Variants in YLPM1 observed in about 807,000 individuals in gnomAD.
YLPM1 encodes YLP motif containing 1, also known as YLP motif-containing protein 1.
YLPM1 carries 99 observed loss-of-function variants against 230.0 expected under a neutral mutation model. That is an observed-to-expected ratio of 0.43 (90% CI 0.37 to 0.51). YLPM1 has a LOEUF of 0.51. Among genes scored for constraint, YLPM1 ranks in the 20% least tolerant of loss-of-function variants. The pLI, the probability that YLPM1 is intolerant of heterozygous loss-of-function variation, is 0.00. For synonymous variants in YLPM1, 984 were observed against 942.5 expected (o/e 1.04, Z -0.81); for missense variants, 2,592 against 2,707.7 (o/e 0.96, Z 0.95).
rs752447181 is a variant in YLPM1, at chr14:74,816,661, C to T, written c.5656C>T (p.Pro1886Ser). Residue 1886 changes from proline (P) to serine (S), a missense_variant, in exon 13 of 21, where the codon CCA (proline) becomes TCA (serine). This residue lies in a region of YLPM1 where 315 missense variants were observed against 429.3 expected (regional missense o/e 0.73). Coordinates refer to ENST00000325680, the MANE Select transcript of YLPM1 (RefSeq NM_019589.3). ...TGAAGTGGAAAAAGAAGAAAAAGATCCAGATTCTGGAAAGAAAGTGAAAAA... is the reference window on the plus strand; with the variant it reads ...TGAAGTGGAAAAAGAAGAAAAAGATTCAGATTCTGGAAAGAAAGTGAAAAA... ...ITEVEKEEKD[P>S]DSGKKVKKKV... 6.2e-7 allele frequency: 1 copy of T among 1,613,212 alleles called. No individual in the cohort carries two copies.
rs537533201 is a variant in YLPM1, at chr14:74,810,679, A to G, written c.5228+259A>G. Among the ~76,000 whole-genome samples, 507 of 152,030 alleles carry G rather than the reference A, an allele frequency of 3.3e-3. 4 individuals carry two copies. The highest frequency in any genetic ancestry group is 0.024 in the Middle Eastern group (7 of 294). Reference sequence around the variant, plus strand: ...TGTCAATAAAGGTGCAGTCATACTCAGTAGGCAAGCAATTTATTTTTGCAA... The same window carrying G: ...TGTCAATAAAGGTGCAGTCATACTCGGTAGGCAAGCAATTTATTTTTGCAA... On this transcript the variant is annotated intron_variant, in intron 9 of 20. Coordinates refer to ENST00000325680, the MANE Select transcript of YLPM1 (RefSeq NM_019589.3).
Position 74,799,110 on chromosome 14 carries a change from C to G in YLPM1, c.3813C>G (p.Asp1271Glu). 6.2e-7 allele frequency: 1 copy of G among 1,613,658 alleles called. No homozygotes were observed. The highest frequency in any genetic ancestry group is 1.1e-5 in the South Asian group (1 of 91,042). ...CTTGGTGGGATGATTGGGAGAGAGA[C>G]CAGGATATGGATGAGGACTACAATA... ...RGPWWDDWER[D>E]QDMDEDYNRE... Residue 1271 changes from aspartate to glutamate, a missense_variant, in exon 5 of 21, where the codon GAC becomes GAG. Physicochemically the swap from Asp to Glu is conservative, Grantham distance 45. Transcript: ENST00000325680.
At chr14:74,806,908 T>A (rs918603434) in intron 6 of YLPM1, among the ~76,000 whole-genome samples, 1 of 152,094 alleles carries the variant, frequency 6.6e-6, no homozygotes, top group African/African-American at 2.4e-5. Flanking sequence ...ACTTTCACTA[T>A]ATAGAATGAA....
At chr14:74,835,161 G>C in intron 19 of YLPM1, 104 bp from the exon 20 acceptor site, 1 of 1,392,020 alleles carries the variant, frequency 7.2e-7, no homozygotes, top group Non-Finnish European at 9.6e-7. Context: ...TTAAACTTGC[G>C]GTTTCAAATG....
rs1037641922 is a variant in YLPM1, at chr14:74,778,611, T to G, written c.1038T>G (p.Pro346=). 21 of 1,596,482 alleles carry G rather than the reference T, an allele frequency of 1.3e-5. No homozygotes were observed. Among genetic ancestry groups the G allele is most frequent in the Non-Finnish European group, 1.7e-5 (20 of 1,171,822 alleles). Residue 346 remains proline (P), a synonymous_variant, in exon 2 of 21, where the codon CCT becomes CCG. Coordinates refer to ENST00000325680, the MANE Select transcript of YLPM1 (RefSeq NM_019589.3). ...CCACCAGTCAAGTTCCAGAATCTCC[T>G]TCTTCTGAGGAGCCCCCATTGCCAC... ...VPATSQVPES[P]SSEEPPLPPP...
rs1594813747 is a variant in YLPM1 at position 74,780,634 on chromosome 14, G to A, written c.1290+50G>A. Reference sequence around the variant, plus strand: ...AGGAAGTTGCCCCAAGACATTGAAAGGATTTGTTATTCTTGAAAGATTTAA... The same window carrying A: ...AGGAAGTTGCCCCAAGACATTGAAAAGATTTGTTATTCTTGAAAGATTTAA... On this transcript the variant is annotated intron_variant, in intron 3 of 20. Coordinates refer to ENST00000325680, the MANE Select transcript of YLPM1 (RefSeq NM_019589.3). 6 of 1,504,870 alleles carry A rather than the reference G, an allele frequency of 4.0e-6. No homozygotes were observed. The East Asian group carries it at 1.4e-4, about 36-fold the overall frequency. 93.2% of individuals were successfully genotyped at this position (1,504,870 alleles called of 1,614,324 possible).
At chr14:74,768,534 A>G (rs1252865695) in intron 1 of YLPM1, among the ~76,000 whole-genome samples, 1 of 152,196 alleles carries the variant, frequency 6.6e-6, no homozygotes. Context: ...GACGTGAGCC[A>G]CTGCGCCCGG....
At chr14:74,807,128 T>A (rs1345240669) in intron 6 of YLPM1, among the ~76,000 whole-genome samples, 1 of 152,190 alleles carries the variant, frequency 6.6e-6, no homozygotes, top group East Asian at 1.9e-4. Context: ...AGTCAAATAA[T>A]GTTCCTTCTG....
chr14:74,766,883 CTTT>C (rs1158275487), intron 1 of YLPM1, among the ~76,000 whole-genome samples: 2 of 131,150 alleles, frequency 1.5e-5, no homozygotes, highest in African/African-American at 2.8e-5. Context: ...AAGACCTTTT[CTTT>C]TTTTTTTTTT....
chr14:74,778,751 T>A (rs2091066101), intron 2 of YLPM1, 68 bp downstream of exon 2: 6 of 1,385,904 alleles, frequency 4.3e-6, no homozygotes, highest in Non-Finnish European at 5.8e-6. Flanking sequence ...TTTAGTATAC[T>A]TTTATCATAA....
intron 1 of YLPM1, among the ~76,000 whole-genome samples, chr14:74,772,292 C>T (rs779523859): frequency 2.7e-5 from 4 of 150,010 alleles, no homozygotes; most frequent in South Asian, 2.1e-4. Flanking sequence ...TGGGCTCAAG[C>T]GATATTCGTG....
At chr14:74,802,899 G>A (rs2091341884) in intron 6 of YLPM1, among the ~76,000 whole-genome samples, 1 of 152,084 alleles carries the variant, frequency 6.6e-6, no homozygotes, top group Non-Finnish European at 1.5e-5. Flanking sequence ...AGTACACCAA[G>A]TACACCTGAA....
intron 4 of YLPM1, among the ~76,000 whole-genome samples, chr14:74,797,195 T>G (rs886672012): frequency 6.6e-6 from 1 of 150,418 alleles, no homozygotes. Flanking sequence ...TTCACCATGT[T>G]GGCCAGGCTG....
Position 74,782,061 on chromosome 14 carries a change from C to G in YLPM1, c.2018C>G (p.Thr673Ser). 4 of 1,614,038 alleles carry G rather than the reference C, an allele frequency of 2.5e-6. No homozygotes were observed. The highest frequency in any genetic ancestry group is 3.4e-6 in the Non-Finnish European group (4 of 1,179,894). ...AAACCTAGACCAGCACTGCTTCCTA[C>G]TCCTGTGTCTTTTGGTTCTGCCCCA... ...PEKPRPALLP[T>S]PVSFGSAPPT... is the part of the protein sequence containing the mutation. Residue 673 changes from threonine to serine, a missense_variant, in exon 4 of 21, where the codon ACT (threonine) becomes AGT (serine). Thr to Ser is a moderately conservative substitution (Grantham distance 58). This residue lies in a region of YLPM1 where 1,862 missense variants were observed against 1,819.8 expected (regional missense o/e 1.02). Transcript: ENST00000325680.
intron 18 of YLPM1, chr14:74,827,824 G>T: frequency 1.0e-6 from 1 of 985,268 alleles, no homozygotes; most frequent in Non-Finnish European, 1.2e-6. Flanking sequence ...TGCAGTCAGG[G>T]GGTCACTTCT....
chr14:74,824,401 T>G, intron 18 of YLPM1, 94 bp downstream of exon 18: 1 of 1,303,604 alleles, frequency 7.7e-7, no homozygotes, highest in Non-Finnish European at 1.1e-6. Flanking sequence ...TCCTAAAACT[T>G]CTACTTGAAC....
intron 3 of YLPM1, among the ~76,000 whole-genome samples, 183 bp downstream of exon 3, chr14:74,780,767 G>T (rs1457807606): frequency 6.6e-6 from 1 of 152,232 alleles, no homozygotes; most frequent in Non-Finnish European, 1.5e-5. Context: ...GTTGGTTATA[G>T]TAGAGTTTCC....
At chr14:74,812,888 T>G in intron 11 of YLPM1, 106 bp downstream of exon 11, 2 of 1,379,826 alleles carry the variant, frequency 1.4e-6, no homozygotes, top group Non-Finnish European at 9.7e-7. Context: ...AGTAATAATA[T>G]CAGATTCAAG....
At chr14:74,817,330 T>A in intron 15 of YLPM1, 53 bp downstream of exon 15, 1 of 1,501,650 alleles carries the variant, frequency 6.7e-7, no homozygotes, top group Non-Finnish European at 9.0e-7. Context: ...TGCATAATGA[T>A]GTTTTGGTTA....
Sources: allele counts gnomAD v4.1 joint callset (sites outside exome capture counted in the v4.1 genomes callset), GRCh38; gene constraint gnomAD v4.1.1; regional missense constraint gnomAD v4.1.1; transcripts MANE v1.5; gene names NCBI Gene and HGNC (gene_info 2026-07-23, HGNC 2026-07-21).